Variants in FASTKD5 observed in about 807,000 individuals in gnomAD.
The protein encoded by FASTKD5 is non-canonical pre-mRNAs endonuclease FASTKD5, mitochondrial.
Under a neutral mutation model 44.0 loss-of-function variants are expected in FASTKD5, and 30 were observed. The ratio of observed to expected loss-of-function variants is 0.68; its 90% CI spans 0.51 to 0.93. FASTKD5 has a LOEUF of 0.93. Among genes scored for constraint, FASTKD5 ranks in the 40% least tolerant of loss-of-function variants. The pLI is 0.00. For synonymous variants in FASTKD5, 335 were observed against 342.2 expected, an observed-to-expected ratio of 0.98 and a Z score of 0.23; for missense variants, 868 against 908.2, an observed-to-expected ratio of 0.96 and a Z score of 0.57.
In FASTKD5 at chr20:3,156,119, T is replaced by C. The variant is rs539762886; in HGVS notation, c.-191+3647A>G. On this transcript the variant is annotated intron_variant, in intron 1 of 1. Transcript: ENST00000380266. The stretch of plus-strand genomic sequence containing the variant: ...TACTCAAAGACTCTCAGAAAATCCA[T>C]AGGAAAGCTGGAAAGAGAACACTAT... Among the ~76,000 whole-genome samples the C allele has an allele frequency of 2.6e-5, 4 of 151,098 alleles. No individual in the cohort carries two copies. The South Asian group carries it at 8.4e-4, about 32-fold the overall frequency.
In FASTKD5 at chr20:3,147,649, G is replaced by A. The variant is rs368594039; in HGVS notation, c.1422C>T (p.Thr474=). The change falls in exon 2 of 2, where the codon ACC becomes ACT. Residue 474 remains threonine (T), a synonymous_variant. Coordinates refer to ENST00000380266, the MANE Select transcript of FASTKD5 (RefSeq NM_021826.5). ...EFNQYPEHLP[T]CLLGLAFLEY... ...CCAAAAATGCCAGGCCCAGCAGGCA[G>A]GTGGGCAGGTGTTCTGGGTACTGGT... The A allele has an allele frequency of 9.3e-6, 15 of 1,614,126 alleles. No individual in the cohort carries two copies. Among genetic ancestry groups the A allele is most frequent in the Middle Eastern group, 1.6e-4 (1 of 6,084 alleles).
At chr20:3,155,169 G>A (rs564121697) in intron 1 of FASTKD5, among the ~76,000 whole-genome samples, 21 of 152,182 alleles carry the variant, frequency 1.4e-4, no homozygotes, top group Non-Finnish European at 1.8e-4. Context: ...TGAGGTGGGC[G>A]GATTGCTTTA....
At chr20:3,151,068 T>G (rs190242647) in intron 1 of FASTKD5, among the ~76,000 whole-genome samples, 1 of 149,358 alleles carries the variant, frequency 6.7e-6, no homozygotes, top group African/African-American at 2.5e-5. Context: ...GTGTGTGTGT[T>G]TGTGTGTGTG....
intron 1 of FASTKD5, among the ~76,000 whole-genome samples, chr20:3,157,216 G>A (rs2066694858): frequency 6.6e-6 from 1 of 152,234 alleles, no homozygotes; most frequent in Admixed American, 6.5e-5. Context: ...GACCTTAGCT[G>A]TTAATGTGGA....
In FASTKD5 at chr20:3,148,197, G is replaced by A. The variant is rs760731320; in HGVS notation, c.874C>T (p.Arg292Cys). 9.9e-6 allele frequency: 16 copies of A among 1,613,776 alleles called. No homozygotes were observed. Among genetic ancestry groups the A allele is most frequent in the East Asian group, 2.2e-5 (1 of 44,900 alleles). Residue 292 changes from arginine (R) to cysteine (C), a missense_variant, in exon 2 of 2, where the codon CGT (arginine) becomes TGT (cysteine). Transcript: ENST00000380266. The part of the protein sequence containing the change: ...VHLIYVIGEN[R>C]QVSQDLMQKL... Reference sequence around the variant, plus strand: ...TGCATTAGGTCCTGGGATACCTGACGATTTTCACCTATAACATAAATTAAG... The same window carrying A: ...TGCATTAGGTCCTGGGATACCTGACAATTTTCACCTATAACATAAATTAAG...
Position 3,148,739 on chromosome 20 carries a change from G to C in FASTKD5, c.332C>G (p.Ser111Cys). The C allele has an allele frequency of 2.5e-6, 4 of 1,614,180 alleles. No homozygotes were observed. The highest frequency in any genetic ancestry group is 3.4e-6 in the Non-Finnish European group (4 of 1,180,036). Reference sequence around the variant, plus strand: ...TAGGAAAACTCGCATGTTTTCAAAGGAATCAAACACTTCTACGTCCTCTTC... The same window carrying C: ...TAGGAAAACTCGCATGTTTTCAAAGCAATCAAACACTTCTACGTCCTCTTC... ...VDEEDVEVFD[S>C]FENMRVFLQL... Residue 111 changes from serine to cysteine, a missense_variant, in exon 2 of 2, where the codon TCC becomes TGC. Physicochemically the swap from Ser to Cys is moderately radical, Grantham distance 112. Coordinates refer to ENST00000380266, the MANE Select transcript of FASTKD5 (RefSeq NM_021826.5).
Position 3,149,081 on chromosome 20 carries a change from G to T in FASTKD5, c.-11C>A. ...GAGAGTAGCTGCCATTCTGGTGTCA[G>T]TATTGATCTCTTTGGCAGTCAGAAT... On this transcript the variant is annotated 5_prime_UTR_variant, in exon 2 of 2. It adds an upstream start codon to the 5' untranslated region. Transcript: ENST00000380266. This position sits in a 1 kb window ranked among gnomAD's most constrained non-coding sequence, Gnocchi z 4.1. 1 of 1,598,410 alleles carries T rather than the reference G, an allele frequency of 6.3e-7. No individual in the cohort carries two copies. Among genetic ancestry groups the T allele is most frequent in the Non-Finnish European group, 8.5e-7 (1 of 1,171,878 alleles).
Position 3,149,811 on chromosome 20 carries a change from A to G in FASTKD5, c.-190-551T>C, listed in dbSNP as rs1451996341. ...GGCAGGCAGATCACTTGAGGTCAGG[A>G]GTTCAAGACCAGCCTGGCCAACAAG... On this transcript the variant is annotated intron_variant, in intron 1 of 1. Coordinates refer to ENST00000380266, the MANE Select transcript of FASTKD5 (RefSeq NM_021826.5). The surrounding 1 kb of genome is among the most constrained non-coding windows in gnomAD (Gnocchi z 4.1). Among the ~76,000 whole-genome samples, 1 of 152,150 alleles carries G rather than the reference A, an allele frequency of 6.6e-6. No homozygotes were observed. Among genetic ancestry groups the G allele is most frequent in the East Asian group, 1.9e-4 (1 of 5,192 alleles).
intron 1 of FASTKD5, among the ~76,000 whole-genome samples, chr20:3,152,383 T>A (rs1295292952): frequency 3.3e-5 from 5 of 151,696 alleles, no homozygotes; most frequent in Non-Finnish European, 5.9e-5. Flanking sequence ...GCACCTGCAA[T>A]CCCAGCTACT....
intron 1 of FASTKD5, chr20:3,151,891 G>C (rs1405535937): frequency 1.3e-5 from 2 of 151,534 alleles, no homozygotes; most frequent in African/African-American, 4.8e-5. Context: ...GATCACTTGA[G>C]GTCAGGAGTT....
chr20:3,147,801 G>C lies in FASTKD5; in HGVS notation c.1270C>G (p.His424Asp). ...VAASLPPRVA[H>D]CRSKDVAKIL... ...TTGGCAACATCTTTACTTCGACAGT[G>C]TGCCACTCTAGGAGGCAAAGACGCA... The change falls in exon 2 of 2, where the codon CAC becomes GAC. Residue 424 changes from histidine to aspartate, a missense_variant. Transcript: ENST00000380266. The C allele has an allele frequency of 6.2e-7, 1 of 1,614,182 alleles. No individual in the cohort carries two copies. Among genetic ancestry groups the C allele is most frequent in the Non-Finnish European group, 8.5e-7 (1 of 1,180,042 alleles).
At chr20:3,157,842 T>G (rs2066702747) in intron 1 of FASTKD5, among the ~76,000 whole-genome samples, 1 of 152,178 alleles carries the variant, frequency 6.6e-6, no homozygotes. Context: ...TTTGCAAGGC[T>G]GTATAGAGGC....
chr20:3,146,896 C>T lies in FASTKD5; in HGVS notation c.2175G>A (p.Leu725=). The T allele has an allele frequency of 6.2e-7, 1 of 1,614,216 alleles. No individual in the cohort carries two copies. Among genetic ancestry groups the T allele is most frequent in the East Asian group, 2.2e-5 (1 of 44,882 alleles). ...LGLHNMKRRQ[L]ARLGYRVVEL... is the part of the protein sequence containing the mutation. Reference sequence around the variant, plus strand: ...CTACCACACGGTAGCCAAGCCGAGCCAGCTGCCGCCTCTTCATATTGTGCA... The same window carrying T: ...CTACCACACGGTAGCCAAGCCGAGCTAGCTGCCGCCTCTTCATATTGTGCA... Residue 725 remains leucine (L), a synonymous_variant, in exon 2 of 2, where the codon CTG becomes CTA. Coordinates refer to ENST00000380266, the MANE Select transcript of FASTKD5 (RefSeq NM_021826.5).
chr20:3,158,357 G>C (rs1440684116), intron 1 of FASTKD5, among the ~76,000 whole-genome samples: 1 of 152,120 alleles, frequency 6.6e-6, no homozygotes, highest in Non-Finnish European at 1.5e-5. Flanking sequence ...CCAATGGATG[G>C]GGAAGAAAAT....
At chr20:3,152,956 T>C (rs115552133) in intron 1 of FASTKD5, among the ~76,000 whole-genome samples, 1 of 151,928 alleles carries the variant, frequency 6.6e-6, no homozygotes, top group African/African-American at 2.4e-5. Flanking sequence ...TCCCATTTTT[T>C]AAATAAAATA....
intron 1 of FASTKD5, chr20:3,151,799 T>C (rs2066627940): frequency 6.6e-6 from 1 of 151,250 alleles, no homozygotes; most frequent in African/African-American, 2.4e-5. Context: ...ACAGGAAAGG[T>C]GGGAACAAAA....
chr20:3,157,781 G>T (rs1013955962), intron 1 of FASTKD5, among the ~76,000 whole-genome samples: 1 of 152,170 alleles, frequency 6.6e-6, no homozygotes, highest in Non-Finnish European at 1.5e-5. Flanking sequence ...AATGGTCCAA[G>T]TACCTATAAC....
At chr20:3,158,017 C>T (rs565349128) in intron 1 of FASTKD5, among the ~76,000 whole-genome samples, 38 of 152,240 alleles carry the variant, frequency 2.5e-4, no homozygotes, top group Admixed American at 2.4e-3. Context: ...GGCAACCTCC[C>T]GGGCGAGGAT....
rs1276860310 is a variant in FASTKD5, at chr20:3,149,805, G to A, written c.-190-545C>T. On this transcript the variant is annotated intron_variant, in intron 1 of 1. Coordinates refer to ENST00000380266, the MANE Select transcript of FASTKD5 (RefSeq NM_021826.5). This position sits in a 1 kb window ranked among gnomAD's most constrained non-coding sequence, Gnocchi z 4.1. ...GGCCGAGGCAGGCAGATCACTTGAG[G>A]TCAGGAGTTCAAGACCAGCCTGGCC... is the stretch of plus-strand genomic sequence containing the variant. Among the ~76,000 whole-genome samples the A allele has an allele frequency of 6.6e-6, 1 of 152,138 alleles. No individual in the cohort carries two copies. The highest frequency in any genetic ancestry group is 1.5e-5 in the Non-Finnish European group (1 of 68,024).
Sources: gnomAD v4.1 joint callset for allele counts (sites outside exome capture counted in the v4.1 genomes callset) on GRCh38, gnomAD v4.1.1 for gene constraint, Gnocchi (gnomAD v3.1) non-coding constraint, MANE v1.5 for transcripts, NCBI Gene and HGNC (gene_info 2026-07-23, HGNC 2026-07-21) for gene names.